IQCK: variants seen among roughly 807,000 people sequenced by gnomAD.
The protein encoded by IQCK is IQ domain-containing protein K.
IQCK carries 29 observed loss-of-function variants against 28.1 expected under a neutral mutation model. The observed-to-expected ratio is 1.03, with a 90% CI of 0.77 to 1.41. The LOEUF (loss-of-function observed/expected upper bound fraction) is 1.41. Among genes scored for constraint, IQCK ranks in the 40% most tolerant of loss-of-function variants. The pLI is 0.00. For synonymous variants in IQCK, 113 were observed against 115.1 expected (o/e 0.98, Z 0.12); for missense variants, 359 against 314.7 (o/e 1.14, Z -1.07).
intron 7 of IQCK, chr16:19,819,491 TAA>T (rs201143638): frequency 6.4e-5 from 9 of 140,898 alleles, no homozygotes; most frequent in Non-Finnish European, 7.7e-5. Context: ...AGACTCCATC[TAA>T]AAAAAAAAAA....
intron 1 of IQCK, among the ~76,000 whole-genome samples, chr16:19,726,422 A>G (rs1977658180): frequency 6.6e-6 from 1 of 152,202 alleles, no homozygotes; most frequent in African/African-American, 2.4e-5. Context: ...ATTTGGCCCA[A>G]ATTTTAAGTT....
intron 7 of IQCK, among the ~76,000 whole-genome samples, chr16:19,823,800 G>A (rs1478567613): frequency 6.6e-6 from 1 of 152,162 alleles, no homozygotes; most frequent in Non-Finnish European, 1.5e-5. Context: ...AGATGGGGTG[G>A]TGCATGCCTG....
rs746822244 is a variant in IQCK at position 19,735,330 on chromosome 16, G to C, written c.377-23G>C. ...TCGGGCCACTGGGGATTTGCAGGGG[G>C]AATTTTTGTTTGTTTGTTTTAGGTT... is the stretch of plus-strand genomic sequence containing the variant. On this transcript the variant is annotated intron_variant, in intron 3 of 7. Transcript: ENST00000564186. The C allele has an allele frequency of 1.2e-5, 19 of 1,560,494 alleles. 1 individual carries two copies. The highest frequency in any genetic ancestry group is 1.7e-5 in the Non-Finnish European group (19 of 1,131,548).
At chr16:19,804,517 A>G (rs969939261) in intron 7 of IQCK, among the ~76,000 whole-genome samples, 2 of 151,788 alleles carry the variant, frequency 1.3e-5, no homozygotes, top group Non-Finnish European at 2.9e-5. Context: ...ACCCTACTGC[A>G]ACCTCCACCT....
At chr16:19,818,853 T>C (rs1328509113) in intron 7 of IQCK, among the ~76,000 whole-genome samples, 1 of 152,196 alleles carries the variant, frequency 6.6e-6, no homozygotes, top group African/African-American at 2.4e-5. Flanking sequence ...CCCTATGCTC[T>C]GGAAGAGGAA....
intron 7 of IQCK, among the ~76,000 whole-genome samples, chr16:19,813,325 T>A (rs1357079260): frequency 1.3e-5 from 2 of 152,084 alleles, no homozygotes; most frequent in Non-Finnish European, 2.9e-5. Flanking sequence ...ATTCCAAAGT[T>A]GAAGAAACAT....
chr16:19,835,811 C>T (rs1436838567), intron 9 of IQCK, among the ~76,000 whole-genome samples: 1 of 152,112 alleles, frequency 6.6e-6, no homozygotes, highest in Non-Finnish European at 1.5e-5. Context: ...TCTCGAACTC[C>T]TGACCTCAGG....
chr16:19,813,408 C>T lies in IQCK; in HGVS notation c.691-13618C>T, dbSNP rs1197221730. Among the ~76,000 whole-genome samples, 4 of 151,974 alleles carry T rather than the reference C, an allele frequency of 2.6e-5. No homozygotes were observed. In the East Asian group the frequency reaches 5.8e-4, roughly 22 times the overall value. On this transcript the variant is annotated intron_variant, in intron 7 of 7. Transcript: ENST00000564186. Reference sequence around the variant, plus strand: ...ATGGTGAAACTATGCAAAGAAGAAGCCAGCAAGCTATCTTAAAGGAAAGAT... The same window carrying T: ...ATGGTGAAACTATGCAAAGAAGAAGTCAGCAAGCTATCTTAAAGGAAAGAT...
At chr16:19,811,748 A>G (rs1597580410) in intron 7 of IQCK, among the ~76,000 whole-genome samples, 3 of 152,340 alleles carry the variant, frequency 2.0e-5, no homozygotes, top group East Asian at 3.9e-4. Context: ...TACAGATGTT[A>G]GGATGCTAAG....
chr16:19,808,568 A>G (rs2055861423), intron 7 of IQCK, among the ~76,000 whole-genome samples: 1 of 152,194 alleles, frequency 6.6e-6, no homozygotes, highest in Admixed American at 6.5e-5. Context: ...GATAATAATA[A>G]GGAATTCTAG....
intron 4 of IQCK, among the ~76,000 whole-genome samples, chr16:19,740,819 A>G (rs936372636): frequency 6.6e-6 from 1 of 151,722 alleles, no homozygotes; most frequent in Admixed American, 6.6e-5. Flanking sequence ...AAATACAAAA[A>G]TTAGCCGGGC....
At chr16:19,768,455 C>A (rs549735539) in intron 6 of IQCK, among the ~76,000 whole-genome samples, 3 of 152,116 alleles carry the variant, frequency 2.0e-5, no homozygotes, top group African/African-American at 7.2e-5. Flanking sequence ...GTATTCAAAT[C>A]TCCACCACTG....
chr16:19,834,495 G>A (rs2056270681), intron 9 of IQCK, among the ~76,000 whole-genome samples: 1 of 152,162 alleles, frequency 6.6e-6, no homozygotes, highest in Non-Finnish European at 1.5e-5. Context: ...TTCTCAGCAT[G>A]GTAACTAAGG....
At position 19,782,242 on chromosome 16, in the gene IQCK, C is replaced by T. The variant is rs538224552; in HGVS notation, c.606-6596C>T. Among the ~76,000 whole-genome samples the T allele has an allele frequency of 1.1e-3, 165 of 147,498 alleles. 1 individual carries two copies. The highest frequency in any genetic ancestry group is 1.3e-3 in the South Asian group (6 of 4,580). On this transcript the variant is annotated intron_variant, in intron 6 of 7. Coordinates refer to ENST00000564186, the Ensembl canonical transcript of IQCK. ...TCTTAGTTAATGAAAAGTGGAAGGC[C>T]GGGCATGGTGGCAGGCGCCTGTAAT... is the stretch of plus-strand genomic sequence containing the variant.
intron 4 of IQCK, among the ~76,000 whole-genome samples, chr16:19,749,688 C>A (rs1169294262): frequency 1.3e-5 from 2 of 151,816 alleles, no homozygotes; most frequent in African/African-American, 4.8e-5. Context: ...ATCCATTGAG[C>A]TTGGGAGGTC....
intron 9 of IQCK, among the ~76,000 whole-genome samples, chr16:19,854,850 G>A (rs1040136482): frequency 6.6e-6 from 1 of 152,264 alleles, no homozygotes; most frequent in South Asian, 2.1e-4. Context: ...CAATGTCATC[G>A]TTAGTAGGGT....
At chr16:19,758,186 C>T (rs2055078810) in intron 4 of IQCK, among the ~76,000 whole-genome samples, 1 of 152,110 alleles carries the variant, frequency 6.6e-6, no homozygotes, top group Admixed American at 6.5e-5. Flanking sequence ...TCTCCTACTT[C>T]CTCTCTTATT....
intron 1 of IQCK, among the ~76,000 whole-genome samples, chr16:19,726,748 G>A (rs543961905): frequency 1.3e-5 from 2 of 152,238 alleles, no homozygotes; most frequent in South Asian, 2.1e-4. Context: ...TCATCCATTC[G>A]TTCATTCATT....
chr16:19,806,005 G>A (rs972947369), intron 7 of IQCK, among the ~76,000 whole-genome samples: 1 of 152,164 alleles, frequency 6.6e-6, no homozygotes, highest in African/African-American at 2.4e-5. Flanking sequence ...AGGTCTGGGT[G>A]AGGCCATCCG....
Sources: gnomAD v4.1 joint callset for allele counts (sites outside exome capture counted in the v4.1 genomes callset) on GRCh38, gnomAD v4.1.1 for gene constraint, MANE v1.5 for transcripts, NCBI Gene and HGNC (gene_info 2026-07-23, HGNC 2026-07-21) for gene names.